LRP10: variants seen among roughly 807,000 people sequenced by gnomAD.
LRP10 encodes the protein low-density lipoprotein receptor-related protein 10.
A neutral mutation model predicts 58.5 loss-of-function variants in LRP10; 42 were observed. The ratio of observed to expected loss-of-function variants is 0.72; its 90% CI spans 0.56 to 0.93. The LOEUF is 0.93. Among genes scored for constraint, LRP10 ranks in the 40% least tolerant of loss-of-function variants. The pLI is 0.00. For synonymous variants in LRP10, 377 were observed against 388.5 expected (o/e 0.97, Z 0.35); for missense variants, 872 against 940.1 (o/e 0.93, Z 0.95).
intron 2 of LRP10, 161 bp downstream of exon 2, chr14:22,872,943 T>G: frequency 1.4e-6 from 1 of 694,750 alleles, no homozygotes; most frequent in South Asian, 1.8e-5. Flanking sequence ...GGTGTGGACC[T>G]TCATCTGGTA....
At position 22,872,692 on chromosome 14, in the gene LRP10, C is replaced by CCT. The variant is rs531055353; in HGVS notation, c.35-45_35-44dup. ...AGTTGCTCAGGTGAAGAAGAAAACT[C>CCT]CTAAGGAGTGTCTCACGCTCCTGCC... is the stretch of plus-strand genomic sequence containing the variant. On this transcript the variant is annotated intron_variant, in intron 1 of 6. Coordinates refer to ENST00000359591, the MANE Select transcript of LRP10 (RefSeq NM_014045.5). 3 of 1,601,882 alleles carry CCT rather than the reference C, an allele frequency of 1.9e-6. No homozygotes were observed. In the Admixed American group the frequency reaches 5.0e-5, roughly 27 times the overall value.
In LRP10 at chr14:22,877,135, C is replaced by A; in HGVS notation, c.1750C>A (p.Pro584Thr). 1.2e-6 allele frequency: 2 copies of A among 1,610,812 alleles called. No homozygotes were observed. Among genetic ancestry groups the A allele is most frequent in the African/African-American group, 1.3e-5 (1 of 75,002 alleles). ...CTCTGAGGCCAGATCCCAGGTCACA[C>A]CTTCTGCTGCTCCCCTTGAGGCCCT... ...RASEARSQVT[P>T]SAAPLEALDG... is the part of the protein sequence containing the mutation. Residue 584 changes from proline (P) to threonine (T), a missense_variant, in exon 7 of 7, where the codon CCT becomes ACT. Coordinates refer to ENST00000359591, the MANE Select transcript of LRP10 (RefSeq NM_014045.5). The surrounding 1 kb of genome is among the most constrained non-coding windows in gnomAD (Gnocchi z 5.1).
rs1464433441 is a variant in LRP10, at chr14:22,877,239, C to G, written c.1854C>G (p.Ile618Met). 9 of 1,606,416 alleles carry G rather than the reference C, an allele frequency of 5.6e-6. No individual in the cohort carries two copies. In the Middle Eastern group the frequency reaches 6.7e-4, roughly 119 times the overall value. The change falls in exon 7 of 7, where the codon ATC (isoleucine) becomes ATG (methionine). Residue 618 changes from isoleucine to methionine, a missense_variant. Ile to Met is a conservative substitution (Grantham distance 10). Coordinates refer to ENST00000359591, the MANE Select transcript of LRP10 (RefSeq NM_014045.5). The surrounding 1 kb of genome is among the most constrained non-coding windows in gnomAD (Gnocchi z 5.1). ...QDGEQAPPLPIKAPLPSASTS... is the reference protein window; with the variant it reads ...QDGEQAPPLPMKAPLPSASTS... ...GGGAGCAGGCACCCCCACTGCCCAT[C>G]AAGGCTCCCCTCCCATCTGCTAGCA...
rs576621827 is a variant in LRP10, at chr14:22,876,650, G to A, written c.1425-39G>A. Reference sequence around the variant, plus strand: ...CAGGCTGAGGTGGTCTACTCTGGCCGAGAACTACCAGTGACTGAGCAGTCC... The same window carrying A: ...CAGGCTGAGGTGGTCTACTCTGGCCAAGAACTACCAGTGACTGAGCAGTCC... On this transcript the variant is annotated intron_variant, in intron 5 of 6. Transcript: ENST00000359591. The A allele has an allele frequency of 2.8e-5, 45 of 1,603,774 alleles. 1 individual carries two copies. Among genetic ancestry groups the A allele is most frequent in the South Asian group, 2.1e-4 (19 of 90,012 alleles).
chr14:22,877,784 C>A lies in LRP10; in HGVS notation c.*257C>A. ...AGTCCCTTCACCACCACCTGCTCCCCACGCCACCACCATTTGGGTGGCTGT... is the reference window on the plus strand; with the variant it reads ...AGTCCCTTCACCACCACCTGCTCCCAACGCCACCACCATTTGGGTGGCTGT... On this transcript the variant is annotated 3_prime_UTR_variant, in exon 7 of 7. Coordinates refer to ENST00000359591, the MANE Select transcript of LRP10 (RefSeq NM_014045.5). This position sits in a 1 kb window ranked among gnomAD's most constrained non-coding sequence, Gnocchi z 5.1. The A allele has an allele frequency of 2.5e-6, 1 of 393,148 alleles. No individual in the cohort carries two copies. The highest frequency in any genetic ancestry group is 4.5e-6 in the Non-Finnish European group (1 of 221,860). The allele number at this position is 393,148 out of a possible 1,614,324, so 24.4% of individuals were successfully genotyped here.
Position 22,873,412 on chromosome 14 carries a change from A to G in LRP10, c.181A>G (p.Ile61Val). 1 of 1,614,066 alleles carries G rather than the reference A, an allele frequency of 6.2e-7. No individual in the cohort carries two copies. The change falls in exon 3 of 7, where the codon ATC (isoleucine) becomes GTC (valine). Residue 61 changes from isoleucine (I) to valine (V), a missense_variant. Physicochemically the swap from Ile to Val is conservative, Grantham distance 29 (BLOSUM62 3). Coordinates refer to ENST00000359591, the MANE Select transcript of LRP10 (RefSeq NM_014045.5). ...CTCCCCTGCCAACTGCACCTGGCTCATCCTGGGCAGCAAGGAACAGACTGT... is the reference window on the plus strand; with the variant it reads ...CTCCCCTGCCAACTGCACCTGGCTCGTCCTGGGCAGCAAGGAACAGACTGT... The part of the protein sequence containing the change: ...RTSPANCTWL[I>V]LGSKEQTVTI...
In LRP10 at chr14:22,875,916, C is replaced by G; in HGVS notation, c.968C>G (p.Ala323Gly). The G allele has an allele frequency of 1.2e-6, 2 of 1,613,524 alleles. No individual in the cohort carries two copies. Among genetic ancestry groups the G allele is most frequent in the Non-Finnish European group, 1.7e-6 (2 of 1,179,720 alleles). The change falls in exon 5 of 7, where the codon GCT (alanine) becomes GGT (glycine). Residue 323 changes from alanine (A) to glycine (G), a missense_variant. Coordinates refer to ENST00000359591, the MANE Select transcript of LRP10 (RefSeq NM_014045.5). ...TGTGGCTTAGGCTCTGGCCTGGGAGCTGGCGAAGGCCTAGGTGAGCGCTGC... is the reference window on the plus strand; with the variant it reads ...TGTGGCTTAGGCTCTGGCCTGGGAGGTGGCGAAGGCCTAGGTGAGCGCTGC... ...RPCGLGSGLG[A>G]GEGLGERCYS...
At position 22,877,437 on chromosome 14, in the gene LRP10, C is replaced by T; in HGVS notation, c.2052C>T (p.Ala684=). 5 of 1,613,740 alleles carry T rather than the reference C, an allele frequency of 3.1e-6. No individual in the cohort carries two copies. The highest frequency in any genetic ancestry group is 4.2e-6 in the Non-Finnish European group (5 of 1,179,932). ...CTGGACCCCACACAGCAGTCCTGGC[C>T]CTGGAAGATGAGGACGATGTGCTAC... ...SPPGPHTAVL[A]LEDEDDVLLV... Residue 684 remains alanine (A), a synonymous_variant, in exon 7 of 7, where the codon GCC becomes GCT. Transcript: ENST00000359591. This position sits in a 1 kb window ranked among gnomAD's most constrained non-coding sequence, Gnocchi z 5.1.
intron 3 of LRP10, 28 bp from the exon 4 acceptor site, chr14:22,875,027 C>T: frequency 6.8e-7 from 1 of 1,478,590 alleles, no homozygotes; most frequent in Middle Eastern, 1.8e-4. Context: ...AAGAGTATCT[C>T]ATGTCCTGCT....
chr14:22,875,920 C>T lies in LRP10; in HGVS notation c.972C>T (p.Gly324=), dbSNP rs750833995. 13 of 1,613,312 alleles carry T rather than the reference C, an allele frequency of 8.1e-6. No individual in the cohort carries two copies. Among genetic ancestry groups the T allele is most frequent in the Admixed American group, 1.7e-5 (1 of 59,994 alleles). Residue 324 remains glycine (G), a synonymous_variant, in exon 5 of 7, where the codon GGC becomes GGT. Transcript: ENST00000359591. ...GCTTAGGCTCTGGCCTGGGAGCTGG[C>T]GAAGGCCTAGGTGAGCGCTGCTACA... The part of the protein sequence containing the change: ...PCGLGSGLGA[G]EGLGERCYSE...
rs1238116283 is a variant in LRP10, at chr14:22,875,542, C to T, written c.594C>T (p.Asp198=). The change falls in exon 5 of 7, where the codon GAC becomes GAT. Residue 198 remains aspartate (D), a synonymous_variant. Transcript: ENST00000359591. ...TGCCTTGCAATGTCACCTTGGAGGA[C>T]TTCTATGGGGTCTTCTCCTCTCCTG... is the stretch of plus-strand genomic sequence containing the variant. The part of the protein sequence containing the change: ...PSLPCNVTLE[D]FYGVFSSPGY... 3.1e-6 allele frequency: 5 copies of T among 1,614,160 alleles called. No individual in the cohort carries two copies. Among genetic ancestry groups the T allele is most frequent in the Non-Finnish European group, 4.2e-6 (5 of 1,179,992 alleles).
rs199538522 is a variant in LRP10, at chr14:22,876,131, C to A, written c.1183C>A (p.Arg395Ser). 6.2e-7 allele frequency: 1 copy of A among 1,614,194 alleles called. No individual in the cohort carries two copies. Among genetic ancestry groups the A allele is most frequent in the South Asian group, 1.1e-5 (1 of 91,084 alleles). Residue 395 changes from arginine (R) to serine (S), a missense_variant, in exon 5 of 7, where the codon CGC becomes AGC. Transcript: ENST00000359591. ...CTGTGCTGATGGAGCAGATGAGAGACGCTGTCGGCATTGCCAGCCTGGCAA... is the reference window on the plus strand; with the variant it reads ...CTGTGCTGATGGAGCAGATGAGAGAAGCTGTCGGCATTGCCAGCCTGGCAA... ...TFCADGADER[R>S]CRHCQPGNFR... is the part of the protein sequence containing the mutation.
chr14:22,877,123 T>C lies in LRP10; in HGVS notation c.1738T>C (p.Ser580Pro). 1.2e-6 allele frequency: 2 copies of C among 1,612,590 alleles called. No homozygotes were observed. Among genetic ancestry groups the C allele is most frequent in the Non-Finnish European group, 8.5e-7 (1 of 1,179,300 alleles). ...NTPARASEAR[S>P]QVTPSAAPLE... Reference sequence around the variant, plus strand: ...CCCGGCTCGGGCCTCTGAGGCCAGATCCCAGGTCACACCTTCTGCTGCTCC... The same window carrying C: ...CCCGGCTCGGGCCTCTGAGGCCAGACCCCAGGTCACACCTTCTGCTGCTCC... The change falls in exon 7 of 7, where the codon TCC becomes CCC. Residue 580 changes from serine to proline, a missense_variant. Ser to Pro is a moderately conservative substitution (Grantham distance 74). Coordinates refer to ENST00000359591, the MANE Select transcript of LRP10 (RefSeq NM_014045.5). This position sits in a 1 kb window ranked among gnomAD's most constrained non-coding sequence, Gnocchi z 5.1.
intron 2 of LRP10, chr14:22,873,061 C>T (rs2039972107): frequency 5.0e-6 from 3 of 600,408 alleles, no homozygotes; most frequent in Non-Finnish European, 5.9e-6. Context: ...CCTCCTGGTT[C>T]AGTGGCTGGC....
chr14:22,872,918 A>C, intron 2 of LRP10, 136 bp downstream of exon 2: 1 of 843,002 alleles, frequency 1.2e-6, no homozygotes, highest in South Asian at 1.6e-5. Flanking sequence ...TTTATAGATA[A>C]GGAAGCTGAG....
At chr14:22,873,280 T>C (rs374245433) in intron 2 of LRP10, 31 bp from the exon 3 acceptor site, 5 of 1,602,502 alleles carry the variant, frequency 3.1e-6, no homozygotes, top group Non-Finnish European at 4.3e-6. Flanking sequence ...AGGGGCTGTC[T>C]ACTACCCGTG....
In LRP10 at chr14:22,880,605, T is replaced by TAAAAAA. The variant is rs201003455; in HGVS notation, c.*3083_*3088dup. On this transcript the variant is annotated 3_prime_UTR_variant, in exon 7 of 7. Coordinates refer to ENST00000359591, the MANE Select transcript of LRP10 (RefSeq NM_014045.5). ...TGGTCTCAAAATAAATAAATAGATT[T>TAAAAAA]AAAAAAAAAATCATGGGCCTGAACC... The TAAAAAA allele has an allele frequency of 1.3e-5, 2 of 149,202 alleles. No individual in the cohort carries two copies. The highest frequency in any genetic ancestry group is 4.9e-5 in the African/African-American group (2 of 40,498). 9.2% of individuals were successfully genotyped at this position (149,202 alleles called of 1,614,324 possible). A position where few individuals can be genotyped will look rare whatever the true frequency, so the allele number is the denominator to read the frequency against.
rs981023737 is a variant in LRP10, at chr14:22,880,500, A to C, written c.*2973A>C. 1 of 151,806 alleles carries C rather than the reference A, an allele frequency of 6.6e-6. No homozygotes were observed. Among genetic ancestry groups the C allele is most frequent in the Non-Finnish European group, 1.5e-5 (1 of 67,966 alleles). The allele number at this position is 151,806 out of a possible 1,614,324, so 9.4% of individuals were successfully genotyped here. ...CAAGGCAGGCGGATCGCTTGAGGCC[A>C]AGAGTTCAAGAACAGCCTGGGCAAC... On this transcript the variant is annotated 3_prime_UTR_variant, in exon 7 of 7. Coordinates refer to ENST00000359591, the MANE Select transcript of LRP10 (RefSeq NM_014045.5).
rs904484628 is a variant in LRP10, at chr14:22,881,446, C to T, written c.*3919C>T. On this transcript the variant is annotated 3_prime_UTR_variant, in exon 7 of 7. Coordinates refer to ENST00000359591, the MANE Select transcript of LRP10 (RefSeq NM_014045.5). ...AATAATTTTCTGCATAACTGAGGAT[C>T]ATTCACAGAAACCAATGGCTTTTCT... 1 of 152,260 alleles carries T rather than the reference C, an allele frequency of 6.6e-6. No homozygotes were observed. The highest frequency in any genetic ancestry group is 2.4e-5 in the African/African-American group (1 of 41,472). 9.4% of individuals were successfully genotyped at this position (152,260 alleles called of 1,614,324 possible). A position where few individuals can be genotyped will look rare whatever the true frequency, so the allele number is the denominator to read the frequency against.
Sources: allele counts gnomAD v4.1 joint callset, GRCh38; gene constraint gnomAD v4.1.1; non-coding constraint Gnocchi (gnomAD v3.1); transcripts MANE v1.5; gene names NCBI Gene and HGNC (gene_info 2026-07-23, HGNC 2026-07-21).